Variants in SP3 observed in about 807,000 individuals in gnomAD.
SP3 encodes transcription factor Sp3.
Under a neutral mutation model 70.3 loss-of-function variants are expected in SP3, and 10 were observed. That is an observed-to-expected ratio of 0.14 (90% CI 0.09 to 0.24). SP3 has a LOEUF of 0.24. SP3 is among the 10% of genes least tolerant of loss of function. The pLI is 1.00. For synonymous variants in SP3, 402 were observed against 333.5 expected (o/e 1.21, Z -2.24); for missense variants, 825 against 914.6 (o/e 0.90, Z 1.26).
chr2:173,964,231 G>A, intron 2 of SP3, 174 bp downstream of exon 2: 1 of 480,356 alleles, frequency 2.1e-6, no homozygotes, highest in South Asian at 3.0e-5. Flanking sequence ...GGGGCGGCGC[G>A]GGCGGGGTCG....
intron 4 of SP3, among the ~76,000 whole-genome samples, chr2:173,922,468 A>G (rs1409232492): frequency 6.6e-6 from 1 of 152,010 alleles, no homozygotes; most frequent in Non-Finnish European, 1.5e-5. Context: ...CAGACAGTCA[A>G]TGGGTTTGGA....
chr2:173,927,696 A>C (rs1444289613), intron 4 of SP3, among the ~76,000 whole-genome samples: 1 of 152,258 alleles, frequency 6.6e-6, no homozygotes. Context: ...TATTTTAATT[A>C]AACTTTGGAA....
At chr2:173,945,749 C>T (rs1447636470) in intron 4 of SP3, among the ~76,000 whole-genome samples, 1 of 152,126 alleles carries the variant, frequency 6.6e-6, no homozygotes, top group Non-Finnish European at 1.5e-5. Context: ...GGGACACCTC[C>T]CCCAGGGGTC....
chr2:173,918,488 T>TCC, intron 5 of SP3, 105 bp downstream of exon 5: 1 of 1,170,790 alleles, frequency 8.5e-7, no homozygotes, highest in Admixed American at 2.2e-5. Flanking sequence ...CCAAAAATGA[T>TCC]CATGTAATAA....
At chr2:173,923,270 C>G (rs1689807404) in intron 4 of SP3, among the ~76,000 whole-genome samples, 1 of 151,626 alleles carries the variant, frequency 6.6e-6, no homozygotes, top group Non-Finnish European at 1.5e-5. Flanking sequence ...ATAAAACAAG[C>G]TTGCGAAAGG....
intron 2 of SP3, 50 bp downstream of exon 2, chr2:173,964,355 G>A (rs760896878): frequency 7.6e-6 from 5 of 654,182 alleles, no homozygotes; most frequent in South Asian, 1.6e-5. Flanking sequence ...GCGAGGGGAG[G>A]AGAAAGCGGC....
chr2:173,936,999 C>G (rs1690226948), intron 4 of SP3, among the ~76,000 whole-genome samples: 1 of 152,034 alleles, frequency 6.6e-6, no homozygotes, highest in Non-Finnish European at 1.5e-5. Context: ...TATTGCAGAT[C>G]ACACACTGAT....
chr2:173,947,393 T>A (rs1690576820), intron 4 of SP3, among the ~76,000 whole-genome samples: 1 of 152,092 alleles, frequency 6.6e-6, no homozygotes. Context: ...TTGTCTTTTT[T>A]CTCCCCGAAA....
Position 173,910,217 on chromosome 2 carries a change from A to G in SP3, c.2070T>C (p.Phe690=), listed in dbSNP as rs1324651336. The G allele has an allele frequency of 6.2e-7, 1 of 1,614,004 alleles. No individual in the cohort carries two copies. The highest frequency in any genetic ancestry group is 1.1e-5 in the South Asian group (1 of 91,066). ...GTTTGGCAAGGTGGTCACTTCTCAT[A>G]AAGCGTTTTGAACATTCTGGACAAA... ...KFVCPECSKR[F]MRSDHLAKHI... The change falls in exon 7 of 7, where the codon TTT becomes TTC. Residue 690 remains phenylalanine, a synonymous_variant. Coordinates refer to ENST00000310015, the MANE Select transcript of SP3 (RefSeq NM_003111.5).
At chr2:173,940,662 G>T (rs1574414392) in intron 4 of SP3, among the ~76,000 whole-genome samples, 1 of 152,126 alleles carries the variant, frequency 6.6e-6, no homozygotes, top group East Asian at 1.9e-4. Flanking sequence ...AAGGTAGCTG[G>T]AGAAAAAACA....
At chr2:173,965,542 T>A, upstream of SP3, 1 of 241,848 alleles carries the variant, frequency 4.1e-6, no homozygotes, top group Admixed American at 5.8e-5. Flanking sequence ...GCAGCGTAGG[T>A]TTTCGAGAGC....
At chr2:173,917,581 G>A (rs1214889152) in intron 5 of SP3, among the ~76,000 whole-genome samples, 1 of 152,070 alleles carries the variant, frequency 6.6e-6, no homozygotes, top group African/African-American at 2.4e-5. Context: ...AAGGCAGATA[G>A]AAAAGCTCTA....
At chr2:173,964,382 G>T in intron 2 of SP3, 23 bp downstream of exon 2, 1 of 691,092 alleles carries the variant, frequency 1.4e-6, no homozygotes. Flanking sequence ...GGGGAGCCGG[G>T]CCGGGGTTCA....
At position 173,953,994 on chromosome 2, in the gene SP3, T is replaced by C. The variant is rs115473578; in HGVS notation, c.1639+879A>G. On this transcript the variant is annotated intron_variant, in intron 4 of 6. Coordinates refer to ENST00000310015, the MANE Select transcript of SP3 (RefSeq NM_003111.5). ...AATCTTTAAATGGTGATGGGAGTTA[T>C]GTCAATCAGTTCAGTTAAAGTGTCC... Among the ~76,000 whole-genome samples the C allele has an allele frequency of 4.8e-3, 724 of 152,364 alleles. 3 individuals carry two copies. The highest frequency in any genetic ancestry group is 0.017 in the African/African-American group (693 of 41,578).
At chr2:173,958,230 T>G (rs1440971948) in intron 3 of SP3, among the ~76,000 whole-genome samples, 1 of 151,270 alleles carries the variant, frequency 6.6e-6, no homozygotes, top group Non-Finnish European at 1.5e-5. Context: ...CCTTTTCCTT[T>G]CTTTAAAAAA....
intron 4 of SP3, among the ~76,000 whole-genome samples, chr2:173,953,604 G>T (rs941213032): frequency 6.6e-6 from 1 of 151,904 alleles, no homozygotes; most frequent in Non-Finnish European, 1.5e-5. Context: ...AAAATTAGCC[G>T]GATGTGGTGG....
intron 4 of SP3, among the ~76,000 whole-genome samples, chr2:173,941,364 T>A (rs1022594758): frequency 6.6e-6 from 1 of 152,126 alleles, no homozygotes. Context: ...TCCCAGCACT[T>A]TGGGAGGCTA....
chr2:173,939,764 CAAAAAAAA>C (rs3045251), intron 4 of SP3, among the ~76,000 whole-genome samples: 1 of 70,194 alleles, frequency 1.4e-5, no homozygotes, highest in African/African-American at 6.9e-5. Context: ...GACTCCAACT[CAAAAAAAA>C]AAAAAAAAAA....
In SP3 at chr2:173,905,294, T is replaced by C. The variant is rs533009392; in HGVS notation, c.*4647A>G. On this transcript the variant is annotated 3_prime_UTR_variant, in exon 7 of 7. Coordinates refer to ENST00000310015, the MANE Select transcript of SP3 (RefSeq NM_003111.5). The stretch of plus-strand genomic sequence containing the variant: ...GAAGGCATTGGAAGGAGGTTACCAT[T>C]TGAATCTCTACCGTTAAGTCAGGCA... Among the ~76,000 whole-genome samples the C allele has an allele frequency of 1.3e-5, 2 of 152,316 alleles. No individual in the cohort carries two copies. The highest frequency in any genetic ancestry group is 6.5e-5 in the Admixed American group (1 of 15,298).
Sources: gnomAD v4.1 joint callset for allele counts (sites outside exome capture counted in the v4.1 genomes callset) on GRCh38, gnomAD v4.1.1 for gene constraint, MANE v1.5 for transcripts, NCBI Gene and HGNC (gene_info 2026-07-23, HGNC 2026-07-21) for gene names.